CELF4: variants seen among roughly 807,000 people sequenced by gnomAD.
CELF4 encodes the protein CUG-BP- and ETR-3-like factor 4.
Under a neutral mutation model 59.9 loss-of-function variants are expected in CELF4, and 18 were observed. That is an observed-to-expected ratio of 0.30 (90% CI 0.21 to 0.45). CELF4 has a LOEUF of 0.45. CELF4 is among the 20% of genes least tolerant of loss of function. The pLI is 1.00. For synonymous variants in CELF4, 261 were observed against 267.1 expected (o/e 0.98, Z 0.22); for missense variants, 456 against 689.0 (o/e 0.66, Z 3.79).
intron 3 of CELF4, among the ~76,000 whole-genome samples, chr18:37,281,802 GC>G (rs565207718): frequency 6.6e-6 from 1 of 152,070 alleles, no homozygotes; most frequent in Non-Finnish European, 1.5e-5. Context: ...CCATGCAGTG[GC>G]CCCCCCAGGG....
At chr18:37,321,184 G>A (rs894964211) in intron 3 of CELF4, among the ~76,000 whole-genome samples, 7 of 152,096 alleles carry the variant, frequency 4.6e-5, no homozygotes, top group Non-Finnish European at 8.8e-5. Context: ...CCCTTCCAGC[G>A]GTGAGCCTCA....
chr18:37,388,547 A>G (rs1457365506), intron 2 of CELF4, among the ~76,000 whole-genome samples: 2 of 151,078 alleles, frequency 1.3e-5, no homozygotes, highest in Non-Finnish European at 2.9e-5. Context: ...ACCTGGTGTC[A>G]TGCCCTCTCT....
intron 3 of CELF4, among the ~76,000 whole-genome samples, chr18:37,317,312 G>A (rs977226607): frequency 7.2e-5 from 11 of 152,196 alleles, no homozygotes; most frequent in Non-Finnish European, 1.0e-4. Flanking sequence ...ACTTGAACCC[G>A]GGAGGCGGAG....
chr18:37,269,739 C>A (rs1601463205), intron 8 of CELF4, among the ~76,000 whole-genome samples: 1 of 152,212 alleles, frequency 6.6e-6, no homozygotes, highest in East Asian at 1.9e-4. Context: ...ACAGAACTGT[C>A]CATTCATTGG....
chr18:37,501,981 G>A (rs1373785751), intron 1 of CELF4, among the ~76,000 whole-genome samples: 1 of 152,190 alleles, frequency 6.6e-6, no homozygotes, highest in Non-Finnish European at 1.5e-5. Context: ...GGCTAAGGGA[G>A]AACCAGTAGC....
intron 3 of CELF4, among the ~76,000 whole-genome samples, chr18:37,303,447 T>A (rs2096204134): frequency 6.6e-6 from 1 of 152,168 alleles, no homozygotes; most frequent in South Asian, 2.1e-4. Flanking sequence ...AAGTATATTT[T>A]AAAGGTCATT....
intron 6 of CELF4, 123 bp from the exon 7 acceptor site, chr18:37,273,286 T>G (rs1206123534): frequency 1.7e-5 from 24 of 1,450,992 alleles, no homozygotes; most frequent in Non-Finnish European, 1.9e-5. Context: ...CAACTACCAC[T>G]CCAGAAAGCC....
intron 2 of CELF4, among the ~76,000 whole-genome samples, chr18:37,384,161 A>G (rs2099073780): frequency 6.6e-6 from 1 of 152,104 alleles, no homozygotes; most frequent in Admixed American, 6.5e-5. Flanking sequence ...CAGGTTGGCT[A>G]GTGGGAGGGG....
chr18:37,270,704 G>A, intron 8 of CELF4, 64 bp downstream of exon 8: 2 of 1,586,020 alleles, frequency 1.3e-6, no homozygotes, highest in Non-Finnish European at 1.7e-6. Context: ...TAACAGCAAG[G>A]GCAGGGACAG....
At chr18:37,409,102 G>A (rs1243513334) in intron 2 of CELF4, among the ~76,000 whole-genome samples, 1 of 152,246 alleles carries the variant, frequency 6.6e-6, no homozygotes, top group African/African-American at 2.4e-5. Context: ...CCATGCGGAA[G>A]AAACCCTGAG....
At chr18:37,258,197 G>T (rs928831018) in intron 11 of CELF4, among the ~76,000 whole-genome samples, 7 of 152,050 alleles carry the variant, frequency 4.6e-5, no homozygotes, top group African/African-American at 1.7e-4. Flanking sequence ...CCTGCAAACT[G>T]TATTTTTATT....
chr18:37,305,594 G>A (rs1297096458), intron 3 of CELF4: 1 of 152,348 alleles, frequency 6.6e-6, no homozygotes, highest in Non-Finnish European at 1.5e-5. Context: ...ACCCACAGTG[G>A]GGTGGTGCTG....
At chr18:37,519,376 G>A (rs540070757) in intron 1 of CELF4, among the ~76,000 whole-genome samples, 1 of 152,102 alleles carries the variant, frequency 6.6e-6, no homozygotes, top group Non-Finnish European at 1.5e-5. Flanking sequence ...TGTGCTCAAG[G>A]ATGGCGTGCC....
intron 1 of CELF4, among the ~76,000 whole-genome samples, chr18:37,530,145 G>A (rs1338022249): frequency 3.3e-5 from 5 of 152,154 alleles, no homozygotes; most frequent in African/African-American, 1.2e-4. Context: ...CCTGCACTTC[G>A]GGTGAAAGTA....
In CELF4 at chr18:37,311,281, T is replaced by C. The variant is rs183464011; in HGVS notation, c.448+10522A>G. 2.6e-5 allele frequency among the ~76,000 whole-genome samples: 4 copies of C among 152,308 alleles called. No individual in the cohort carries two copies. The East Asian group carries it at 7.7e-4, about 29-fold the overall frequency. ...GCACCTATGGCAGGAGTTACAGACG[T>C]ATTTATAATGTGTGCCTGCTCCGCT... On this transcript the variant is annotated intron_variant, in intron 3 of 12. Transcript: ENST00000420428.
chr18:37,333,733 CAT>C (rs1209957078), intron 2 of CELF4, among the ~76,000 whole-genome samples: 27 of 148,230 alleles, frequency 1.8e-4, no homozygotes. Context: ...TCCATCCATC[CAT>C]CCATCCATCC....
chr18:37,402,520 TC>T (rs2099343560), intron 2 of CELF4, among the ~76,000 whole-genome samples: 1 of 152,098 alleles, frequency 6.6e-6, no homozygotes, highest in Non-Finnish European at 1.5e-5. Context: ...GAGCCCCTTC[TC>T]AATCCTTCTA....
Position 37,480,231 on chromosome 18 carries a change from GAAA to G in CELF4, c.369+5291_369+5293del, listed in dbSNP as rs2099862686. On this transcript the variant is annotated intron_variant, in intron 2 of 12. Coordinates refer to ENST00000420428, the MANE Select transcript of CELF4 (RefSeq NM_020180.4). ...ATCTGGCTGAGATGATCTCTGCAGA[GAAA>G]CAGAAGGTGGCAGGGGCTGGGAGGG... Among the ~76,000 whole-genome samples, 3 of 151,486 alleles carry G rather than the reference GAAA, an allele frequency of 2.0e-5. No individual in the cohort carries two copies. In the South Asian group the frequency reaches 6.3e-4, roughly 32 times the overall value.
chr18:37,283,168 G>T (rs542255438), intron 3 of CELF4, among the ~76,000 whole-genome samples: 9 of 151,962 alleles, frequency 5.9e-5, no homozygotes, highest in African/African-American at 2.2e-4. Flanking sequence ...GCACTCCTTC[G>T]CCAGCGCTGC....
Sources: allele counts gnomAD v4.1 joint callset (sites outside exome capture counted in the v4.1 genomes callset), GRCh38; gene constraint gnomAD v4.1.1; transcripts MANE v1.5; gene names NCBI Gene and HGNC (gene_info 2026-07-23, HGNC 2026-07-21).